The following DRC1 variants were observed in gnomAD, a reference collection of about 807,000 sequenced individuals.
DRC1 encodes the protein dynein regulatory complex subunit 1, also known as dynein regulatory complex protein 1.
A neutral mutation model predicts 98.7 loss-of-function variants in DRC1; 74 were observed. That is an observed-to-expected ratio of 0.75 (90% CI 0.62 to 0.91). DRC1 has a LOEUF of 0.91. Among genes scored for constraint, DRC1 ranks in the 40% least tolerant of loss-of-function variants. DRC1 has a pLI of 0.00. For missense variants in DRC1, 875 were observed against 886.0 expected, an observed-to-expected ratio of 0.99 and a Z score of 0.16; for synonymous variants, 336 against 334.1, an observed-to-expected ratio of 1.01 and a Z score of -0.06.
intron 7 of DRC1, among the ~76,000 whole-genome samples, chr2:26,439,598 A>C (rs1663659439): frequency 6.6e-6 from 1 of 151,996 alleles, no homozygotes; most frequent in South Asian, 2.1e-4. Flanking sequence ...TCTACCCTGG[A>C]AGGTCAAAGT....
chr2:26,422,321 A>C (rs1278482978), intron 3 of DRC1, among the ~76,000 whole-genome samples: 2 of 152,212 alleles, frequency 1.3e-5, no homozygotes, highest in East Asian at 3.9e-4. Flanking sequence ...GACCAGACCC[A>C]CGAATACCTC....
intron 6 of DRC1, among the ~76,000 whole-genome samples, chr2:26,431,480 C>A (rs534027467): frequency 2.0e-5 from 3 of 152,154 alleles, no homozygotes; most frequent in African/African-American, 4.8e-5. Flanking sequence ...TTTTAAGACA[C>A]CTTTTTAAAG....
At chr2:26,438,540 G>A (rs947172791) in intron 7 of DRC1, among the ~76,000 whole-genome samples, 2 of 152,146 alleles carry the variant, frequency 1.3e-5, no homozygotes, top group Non-Finnish European at 2.9e-5. Flanking sequence ...CTGTTCTGAA[G>A]GAGACATTCA....
chr2:26,444,401 G>A (rs1572380010), intron 9 of DRC1, 45 bp downstream of exon 9: 1 of 1,594,146 alleles, frequency 6.3e-7, no homozygotes, highest in Non-Finnish European at 8.5e-7. Context: ...TAGCATAGAG[G>A]TGACGGGGAT....
At chr2:26,402,889 G>A (rs1678297789) in intron 1 of DRC1, among the ~76,000 whole-genome samples, 1 of 152,168 alleles carries the variant, frequency 6.6e-6, no homozygotes. Flanking sequence ...TGCAGGGGCC[G>A]GCAAACCCTT....
chr2:26,452,134 G>A lies in DRC1; in HGVS notation c.1690-1186G>A, dbSNP rs571338619. ...TTGATAACACAGCAAGTATAACATA[G>A]CGATGACTGAGGTGTAGAAAACAGG... On this transcript the variant is annotated intron_variant, in intron 13 of 16. Transcript: ENST00000288710. Among the ~76,000 whole-genome samples the A allele has an allele frequency of 2.0e-5, 3 of 151,792 alleles. No individual in the cohort carries two copies. The South Asian group carries it at 6.3e-4, about 32-fold the overall frequency.
intron 11 of DRC1, 85 bp downstream of exon 11, chr2:26,448,888 G>A (rs887027824): frequency 7.2e-6 from 10 of 1,394,628 alleles, no homozygotes; most frequent in African/African-American, 4.2e-5. Context: ...CTAGCCTGGA[G>A]TCAGGAGTGG....
At chr2:26,446,820 G>A (rs918992326) in intron 10 of DRC1, among the ~76,000 whole-genome samples, 7 of 152,184 alleles carry the variant, frequency 4.6e-5, no homozygotes, top group Non-Finnish European at 7.3e-5. Flanking sequence ...AGCCAGGTGC[G>A]ATGGCTCACC....
At position 26,450,639 on chromosome 2, in the gene DRC1, C is replaced by T. The variant is rs371052653; in HGVS notation, c.1647C>T (p.Phe549=). ...ATGACTTGTATAAACTGGTGAACTT[C>T]TTCCTTAAATATCGAGCTCACCGTT... ...SEDDLYKLVN[F]FLKYRAHRLS... The change falls in exon 13 of 17, where the codon TTC becomes TTT. Residue 549 remains phenylalanine (F), a synonymous_variant. Transcript: ENST00000288710. 6.2e-7 allele frequency: 1 copy of T among 1,611,124 alleles called. No homozygotes were observed. Among genetic ancestry groups the T allele is most frequent in the South Asian group, 1.1e-5 (1 of 90,810 alleles).
intron 8 of DRC1, among the ~76,000 whole-genome samples, chr2:26,443,865 C>T (rs957498933): frequency 6.6e-5 from 10 of 152,002 alleles, no homozygotes; most frequent in African/African-American, 1.5e-4. Context: ...ACAATGAAAT[C>T]GTTGAGATAG....
At position 26,444,929 on chromosome 2, in the gene DRC1, A is replaced by C. The variant is rs770036595; in HGVS notation, c.1377A>C (p.Glu459Asp). Reference sequence around the variant, plus strand: ...AGAAGTCCGCCACACAGATAGTAGAAGAAATGCTTATGCGCTCAGGTGACT... The same window carrying C: ...AGAAGTCCGCCACACAGATAGTAGACGAAATGCTTATGCGCTCAGGTGACT... ...QPQKSATQIV[E>D]EMLMRSEEEE... The change falls in exon 10 of 17, where the codon GAA (glutamate) becomes GAC (aspartate). Residue 459 changes from glutamate (E) to aspartate (D), a missense_variant. Physicochemically the swap from Glu to Asp is conservative, Grantham distance 45 (BLOSUM62 2). Coordinates refer to ENST00000288710, the MANE Select transcript of DRC1 (RefSeq NM_145038.5). The C allele has an allele frequency of 6.2e-7, 1 of 1,614,164 alleles. No individual in the cohort carries two copies. Among genetic ancestry groups the C allele is most frequent in the South Asian group, 1.1e-5 (1 of 91,080 alleles).
chr2:26,422,970 A>T (rs1015734385), intron 3 of DRC1, among the ~76,000 whole-genome samples: 18 of 151,732 alleles, frequency 1.2e-4, no homozygotes, highest in Non-Finnish European at 2.5e-4. Flanking sequence ...GTCTCATCAT[A>T]TACACACAGG....
intron 1 of DRC1, among the ~76,000 whole-genome samples, chr2:26,411,039 A>G (rs1678591356): frequency 6.6e-6 from 1 of 152,214 alleles, no homozygotes; most frequent in Admixed American, 6.5e-5. Flanking sequence ...AGAATTGGTC[A>G]GGAAGTAGAG....
At chr2:26,422,707 G>A (rs1663177484) in intron 3 of DRC1, among the ~76,000 whole-genome samples, 1 of 152,162 alleles carries the variant, frequency 6.6e-6, no homozygotes, top group South Asian at 2.1e-4. Flanking sequence ...CTTGAGGTCA[G>A]GAGTTCAAGA....
chr2:26,425,185 T>A lies in DRC1; in HGVS notation c.540+731T>A, dbSNP rs1663252430. ...TCCTGTGAGTGAAATCATACAGCAT[T>A]TGTCCTTTTGTGACTAGCATATTTG... On this transcript the variant is annotated intron_variant, in intron 4 of 16. Coordinates refer to ENST00000288710, the MANE Select transcript of DRC1 (RefSeq NM_145038.5). Among the ~76,000 whole-genome samples, 3 of 152,208 alleles carry A rather than the reference T, an allele frequency of 2.0e-5. No individual in the cohort carries two copies. In the South Asian group the frequency reaches 6.2e-4, roughly 32 times the overall value.
At chr2:26,421,798 G>A (rs1228368433) in intron 3 of DRC1, among the ~76,000 whole-genome samples, 1 of 152,086 alleles carries the variant, frequency 6.6e-6, no homozygotes, top group Non-Finnish European at 1.5e-5. Flanking sequence ...GACCTCACGT[G>A]ATCCACCCGC....
In DRC1 at chr2:26,414,366, G is replaced by A. The variant is rs927792575; in HGVS notation, c.178G>A (p.Asp60Asn). 1.3e-5 allele frequency: 21 copies of A among 1,613,716 alleles called. No individual in the cohort carries two copies. The highest frequency in any genetic ancestry group is 1.8e-5 in the Non-Finnish European group (21 of 1,179,892). Residue 60 changes from aspartate to asparagine, a missense_variant, in exon 2 of 17, where the codon GAT becomes AAT. Physicochemically the swap from Asp to Asn is conservative, Grantham distance 23. Coordinates refer to ENST00000288710, the MANE Select transcript of DRC1 (RefSeq NM_145038.5). ...RRREALGEYLDGKKESEEDQS... is the reference protein window; with the variant it reads ...RRREALGEYLNGKKESEEDQS... ...CAGGGAAGCACTTGGAGAATATTTA[G>A]ATGGGAAGAAGGAGAGTGAGGAGGA...
intron 1 of DRC1, among the ~76,000 whole-genome samples, chr2:26,403,621 C>A (rs13422879): frequency 1.3e-5 from 2 of 151,664 alleles, no homozygotes; most frequent in African/African-American, 4.9e-5. Context: ...ATGGCGAAAC[C>A]CTGTCTGTAC....
intron 10 of DRC1, 68 bp from the exon 11 acceptor site, chr2:26,448,623 T>A: frequency 6.6e-7 from 1 of 1,518,554 alleles, no homozygotes. Flanking sequence ...TGACTGTTTC[T>A]CAGAGTCAAC....
Sources: gnomAD v4.1 joint callset for allele counts (sites outside exome capture counted in the v4.1 genomes callset) on GRCh38, gnomAD v4.1.1 for gene constraint, MANE v1.5 for transcripts, NCBI Gene and HGNC (gene_info 2026-07-23, HGNC 2026-07-21) for gene names.